Variants in DCHS2 observed in about 807,000 individuals in gnomAD.
DCHS2 encodes protocadherin-23.
In DCHS2, 142 loss-of-function variants were observed where a neutral mutation model predicts 182.4. That is an observed-to-expected ratio of 0.78 (90% CI 0.68 to 0.89). The LOEUF (loss-of-function observed/expected upper bound fraction) is 0.89, where lower values mean the gene tolerates loss of function less well. Among genes scored for constraint, DCHS2 ranks in the 40% least tolerant of loss-of-function variants. The pLI is 0.00. For missense variants in DCHS2, 4,319 were observed against 4,198.6 expected (o/e 1.03, Z -0.79); for synonymous variants, 1,740 against 1,663.3 (o/e 1.05, Z -1.12).
intron 12 of DCHS2, among the ~76,000 whole-genome samples, chr4:154,300,136 G>A (rs1467606265): frequency 6.6e-6 from 1 of 152,162 alleles, no homozygotes; most frequent in Non-Finnish European, 1.5e-5. Flanking sequence ...AAATGTTTGG[G>A]TGTGACTAGT....
intron 12 of DCHS2, among the ~76,000 whole-genome samples, chr4:154,301,277 A>C (rs990581047): frequency 1.3e-5 from 2 of 152,196 alleles, no homozygotes; most frequent in African/African-American, 2.4e-5. Context: ...TATAGAGCCT[A>C]TTCAAGTTTT....
intron 1 of DCHS2, among the ~76,000 whole-genome samples, chr4:154,396,430 T>C (rs1361111714): frequency 2.0e-5 from 3 of 152,130 alleles, no homozygotes; most frequent in South Asian, 4.2e-4. Context: ...ATAAGCCCAC[T>C]TGGCCACCAA....
At chr4:154,373,824 G>A in intron 2 of DCHS2, 1 of 948,544 alleles carries the variant, frequency 1.1e-6, no homozygotes, top group Middle Eastern at 2.2e-4. Context: ...AGGTGTGCAA[G>A]CACTCAGGGG....
At chr4:154,285,905 G>A (rs1222096784) in intron 13 of DCHS2, among the ~76,000 whole-genome samples, 3 of 152,080 alleles carry the variant, frequency 2.0e-5, no homozygotes, top group Admixed American at 6.6e-5. Flanking sequence ...GGTTACTATA[G>A]GCCTTCAAGG....
intron 16 of DCHS2, among the ~76,000 whole-genome samples, chr4:154,250,143 G>T: frequency 6.6e-6 from 1 of 152,162 alleles, no homozygotes; most frequent in East Asian, 1.9e-4. Flanking sequence ...GAGGGATGCA[G>T]TGGAGAGTCT....
intron 16 of DCHS2, 53 bp downstream of exon 16, chr4:154,255,466 G>A (rs1242751232): frequency 9.6e-6 from 15 of 1,560,476 alleles, no homozygotes; most frequent in African/African-American, 1.4e-5. Context: ...CAGCAATGTT[G>A]TCAGTAAGCA....
At chr4:154,467,141 T>G (rs1440357590) in intron 1 of DCHS2, among the ~76,000 whole-genome samples, 1 of 152,214 alleles carries the variant, frequency 6.6e-6, no homozygotes, top group Non-Finnish European at 1.5e-5. Context: ...ATACATTTTT[T>G]AAATAGAAAA....
chr4:154,417,204 T>TGTGTGTGAGAGAGAGA (rs1560745908), intron 1 of DCHS2, among the ~76,000 whole-genome samples: 12 of 39,492 alleles, frequency 3.0e-4, no homozygotes, highest in South Asian at 2.6e-3. Context: ...TGTGTGTGTG[T>TGTGTGTGAGAGAGAGA]GAGAGAGAGA....
chr4:154,471,038 G>A (rs11935196), intron 1 of DCHS2, among the ~76,000 whole-genome samples: 79,876 of 151,942 alleles, frequency 0.53, 21,505 homozygotes, highest in East Asian at 0.84. Flanking sequence ...AGCCCTTCAC[G>A]GTGGATGAAG....
intron 13 of DCHS2, among the ~76,000 whole-genome samples, chr4:154,282,751 A>G (rs1010916296): frequency 3.9e-5 from 6 of 152,186 alleles, no homozygotes; most frequent in African/African-American, 1.2e-4. Flanking sequence ...ATTTTTAAAA[A>G]TAATAAATGA....
At chr4:154,283,191 G>A (rs760567818) in intron 13 of DCHS2, among the ~76,000 whole-genome samples, 2 of 152,008 alleles carry the variant, frequency 1.3e-5, no homozygotes, top group Admixed American at 1.3e-4. Flanking sequence ...AAAAAAAGAA[G>A]AAATGCATTG....
At chr4:154,270,313 A>G (rs1578889047) in intron 13 of DCHS2, among the ~76,000 whole-genome samples, 1 of 152,144 alleles carries the variant, frequency 6.6e-6, no homozygotes, top group South Asian at 2.1e-4. Flanking sequence ...GCCCTTAGAA[A>G]GAGAGAAATA....
At position 154,336,573 on chromosome 4, in the gene DCHS2, C is replaced by T. The variant is rs562001971; in HGVS notation, c.2477-1469G>A. 5.9e-5 allele frequency among the ~76,000 whole-genome samples: 9 copies of T among 152,264 alleles called. No homozygotes were observed. In the East Asian group the frequency reaches 1.5e-3, roughly 26 times the overall value. On this transcript the variant is annotated intron_variant, in intron 3 of 19. Transcript: ENST00000357232. ...GTTTCTAGGCATTAAAAGGTGACATCCATTTGATTTCTTCCTTTTTTATAT... is the reference window on the plus strand; with the variant it reads ...GTTTCTAGGCATTAAAAGGTGACATTCATTTGATTTCTTCCTTTTTTATAT...
intron 1 of DCHS2, among the ~76,000 whole-genome samples, chr4:154,444,765 A>C (rs1193585101): frequency 2.0e-5 from 3 of 152,138 alleles, no homozygotes; most frequent in African/African-American, 7.2e-5. Flanking sequence ...TAAGATGCAA[A>C]GTTGTTGCTG....
chr4:154,423,366 G>A (rs1470791458), intron 1 of DCHS2, among the ~76,000 whole-genome samples: 1 of 152,168 alleles, frequency 6.6e-6, no homozygotes, highest in African/African-American at 2.4e-5. Context: ...TATCCATTTT[G>A]TAGTACGTGT....
At chr4:154,412,796 G>C (rs2110895245) in intron 1 of DCHS2, among the ~76,000 whole-genome samples, 1 of 152,224 alleles carries the variant, frequency 6.6e-6, no homozygotes, top group South Asian at 2.1e-4. Flanking sequence ...TTACCTTGTT[G>C]AATTACTGAA....
At chr4:154,337,380 C>T (rs2111375992) in intron 3 of DCHS2, among the ~76,000 whole-genome samples, 1 of 152,302 alleles carries the variant, frequency 6.6e-6, no homozygotes, top group East Asian at 1.9e-4. Flanking sequence ...TCAACACAAC[C>T]TGGTCTTCCT....
intron 1 of DCHS2, among the ~76,000 whole-genome samples, chr4:154,411,831 A>G (rs1732646766): frequency 6.6e-6 from 1 of 152,218 alleles, no homozygotes; most frequent in Non-Finnish European, 1.5e-5. Context: ...ATCATGCTGT[A>G]CACCTTACAT....
At chr4:154,325,204 G>A (rs1736230526) in intron 7 of DCHS2, among the ~76,000 whole-genome samples, 1 of 152,036 alleles carries the variant, frequency 6.6e-6, no homozygotes, top group Non-Finnish European at 1.5e-5. Context: ...CCCGTAGAAA[G>A]TCACTTTTAT....
Sources: gnomAD v4.1 joint callset for allele counts (sites outside exome capture counted in the v4.1 genomes callset) on GRCh38, gnomAD v4.1.1 for gene constraint, MANE v1.5 for transcripts, NCBI Gene and HGNC (gene_info 2026-07-23, HGNC 2026-07-21) for gene names.